ETV6: variants seen among roughly 807,000 people sequenced by gnomAD.
ETV6 encodes ETS variant transcription factor 6.
Under a neutral mutation model 51.1 loss-of-function variants are expected in ETV6, and 16 were observed. The ratio of observed to expected loss-of-function variants is 0.31; its 90% CI spans 0.21 to 0.48. The LOEUF (loss-of-function observed/expected upper bound fraction) is 0.48, where lower values mean the gene tolerates loss of function less well. Among genes scored for constraint, ETV6 ranks in the 20% least tolerant of loss-of-function variants. The probability of loss-of-function intolerance (pLI) is 0.99; values close to 1 mark genes in which losing one functional copy is unlikely to be tolerated. For synonymous variants in ETV6, 240 were observed against 224.1 expected, an observed-to-expected ratio of 1.07 and a Z score of -0.64; for missense variants, 458 against 594.8, an observed-to-expected ratio of 0.77 and a Z score of 2.39.
At chr12:11,773,781 T>C (rs749025132) in intron 2 of ETV6, among the ~76,000 whole-genome samples, 1 of 152,224 alleles carries the variant, frequency 6.6e-6, no homozygotes, top group African/African-American at 2.4e-5. Context: ...CTAGACTGTC[T>C]ACCCCAAGTC....
chr12:11,714,090 G>A (rs989764557), intron 1 of ETV6, among the ~76,000 whole-genome samples: 7 of 152,188 alleles, frequency 4.6e-5, no homozygotes, highest in Admixed American at 1.3e-4. Flanking sequence ...ATGCAGGGGC[G>A]TCATTTTGCT....
At chr12:11,844,040 G>T (rs746560022) in intron 3 of ETV6, among the ~76,000 whole-genome samples, 1 of 151,724 alleles carries the variant, frequency 6.6e-6, no homozygotes, top group Non-Finnish European at 1.5e-5. Flanking sequence ...ACATTAACTG[G>T]TTCTGAAGTG....
chr12:11,744,254 G>A (rs970282280), intron 1 of ETV6, among the ~76,000 whole-genome samples: 4 of 152,320 alleles, frequency 2.6e-5, no homozygotes, highest in South Asian at 4.1e-4. Context: ...CAGGGACAAC[G>A]CAGATTGGCT....
At chr12:11,676,654 C>T (rs1220819465) in intron 1 of ETV6, among the ~76,000 whole-genome samples, 1 of 152,208 alleles carries the variant, frequency 6.6e-6, no homozygotes, top group Non-Finnish European at 1.5e-5. Flanking sequence ...AGATGTCCCT[C>T]ATATGTGCCC....
At chr12:11,803,918 T>TATCATC (rs56102557) in intron 2 of ETV6, among the ~76,000 whole-genome samples, 5 of 152,078 alleles carry the variant, frequency 3.3e-5, no homozygotes, top group South Asian at 2.1e-4. Context: ...ATATTATTAG[T>TATCATC]ATCATCATCA....
At chr12:11,820,386 GTGAAGAAAA>G (rs1565538578) in intron 2 of ETV6, among the ~76,000 whole-genome samples, 3 of 152,334 alleles carry the variant, frequency 2.0e-5, no homozygotes, top group Admixed American at 6.5e-5. Flanking sequence ...TCACATGCTA[GTGAAGAAAA>G]TGAGTAAGAA....
At chr12:11,776,547 A>T (rs2723827) in intron 2 of ETV6, among the ~76,000 whole-genome samples, 1 of 151,956 alleles carries the variant, frequency 6.6e-6, no homozygotes, top group Non-Finnish European at 1.5e-5. Flanking sequence ...ACCCAGCCAG[A>T]ATTTTTTAAA....
chr12:11,768,935 G>T, intron 2 of ETV6: 1 of 486,992 alleles, frequency 2.1e-6, no homozygotes, highest in South Asian at 1.5e-5. Context: ...GCTTGGGCTT[G>T]TTCTGAAGAA....
chr12:11,860,863 G>C (rs1475323588), intron 4 of ETV6, among the ~76,000 whole-genome samples: 1 of 152,072 alleles, frequency 6.6e-6, no homozygotes, highest in Non-Finnish European at 1.5e-5. Context: ...CATCCACTTT[G>C]TGCAAACATC....
intron 2 of ETV6, among the ~76,000 whole-genome samples, chr12:11,829,771 G>A (rs1230753136): frequency 2.0e-5 from 3 of 152,174 alleles, no homozygotes; most frequent in Non-Finnish European, 4.4e-5. Context: ...TGGACTTTGG[G>A]CTGAAAGACA....
At chr12:11,773,209 A>AG (rs536104965) in intron 2 of ETV6, among the ~76,000 whole-genome samples, 2,740 of 135,532 alleles carry the variant, frequency 0.02, 67 homozygotes, top group Non-Finnish European at 0.032. Flanking sequence ...AAAAAAAAAA[A>AG]AAATGAAATC....
chr12:11,798,559 G>A (rs553866159), intron 2 of ETV6, among the ~76,000 whole-genome samples: 1 of 152,234 alleles, frequency 6.6e-6, no homozygotes, highest in East Asian at 1.9e-4. Flanking sequence ...TCTAGAAGTG[G>A]GAGAGATTGA....
chr12:11,799,580 C>G (rs578061792), intron 2 of ETV6, among the ~76,000 whole-genome samples: 2 of 151,946 alleles, frequency 1.3e-5, no homozygotes, highest in East Asian at 3.8e-4. Context: ...GGAACTGTTA[C>G]GAAAAAAGAG....
Position 11,828,520 on chromosome 12 carries a change from T to C in ETV6, c.164-10620T>C, listed in dbSNP as rs201671238. On this transcript the variant is annotated intron_variant, in intron 2 of 7. Coordinates refer to ENST00000396373, the MANE Select transcript of ETV6 (RefSeq NM_001987.5). ...AACCTGATTTGGTTTTCGCATTACC[T>C]CACAGGTACATATTGTCAGAACTAT... Among the ~76,000 whole-genome samples the C allele has an allele frequency of 3.3e-5, 5 of 152,244 alleles. No homozygotes were observed. The East Asian group carries it at 9.7e-4, about 29-fold the overall frequency.
intron 1 of ETV6, among the ~76,000 whole-genome samples, chr12:11,747,509 T>C (rs966240321): frequency 4.6e-5 from 7 of 152,226 alleles, no homozygotes; most frequent in African/African-American, 1.7e-4. Context: ...CTAGCCGAGA[T>C]GCTAGGGTAT....
At chr12:11,855,051 T>A (rs1159753370) in intron 4 of ETV6, among the ~76,000 whole-genome samples, 1 of 151,862 alleles carries the variant, frequency 6.6e-6, no homozygotes, top group Non-Finnish European at 1.5e-5. Flanking sequence ...ATCCCAGCAC[T>A]TTGAGAGGCC....
intron 1 of ETV6, among the ~76,000 whole-genome samples, chr12:11,698,808 C>T (rs1864925669): frequency 6.6e-6 from 1 of 152,194 alleles, no homozygotes; most frequent in Non-Finnish European, 1.5e-5. Context: ...TTGTGCCAGG[C>T]ACTGTGCTAA....
chr12:11,688,133 C>T (rs1350184109), intron 1 of ETV6, among the ~76,000 whole-genome samples: 1 of 152,140 alleles, frequency 6.6e-6, no homozygotes, highest in Non-Finnish European at 1.5e-5. Context: ...GACTCCAGAG[C>T]CCCAGTCTTA....
At chr12:11,858,406 T>TATATA (rs200339462) in intron 4 of ETV6, among the ~76,000 whole-genome samples, 4 of 147,896 alleles carry the variant, frequency 2.7e-5, no homozygotes, top group South Asian at 2.1e-4. Context: ...ATATATATAT[T>TATATA]TTTTTTTAAT....
Sources: allele counts gnomAD v4.1 joint callset (sites outside exome capture counted in the v4.1 genomes callset), GRCh38; gene constraint gnomAD v4.1.1; transcripts MANE v1.5; gene names NCBI Gene and HGNC (gene_info 2026-07-23, HGNC 2026-07-21).